WDFY3: variants seen among roughly 807,000 people sequenced by gnomAD.
The protein encoded by WDFY3 is WD repeat and FYVE domain containing 3.
A neutral mutation model predicts 409.6 loss-of-function variants in WDFY3; 66 were observed. The observed-to-expected ratio is 0.16, with a 90% CI of 0.13 to 0.20. The LOEUF (loss-of-function observed/expected upper bound fraction) is 0.20, where lower values mean the gene tolerates loss of function less well. Ranked by LOEUF, WDFY3 falls within the 10% of genes least tolerant of loss-of-function variation. WDFY3 has a pLI of 1.00. For synonymous variants in WDFY3, 1,521 were observed against 1,537.1 expected (o/e 0.99, Z 0.25); for missense variants, 3,031 against 4,298.1 (o/e 0.71, Z 8.24).
chr4:84,850,430 C>CCT (rs1284898530), intron 4 of WDFY3, among the ~76,000 whole-genome samples: 1 of 152,040 alleles, frequency 6.6e-6, no homozygotes, highest in African/African-American at 2.4e-5. Context: ...TATTCTCCTG[C>CCT]CTCAGCCTGC....
At chr4:84,735,815 C>T (rs1341742704) in intron 42 of WDFY3, among the ~76,000 whole-genome samples, 1 of 152,110 alleles carries the variant, frequency 6.6e-6, no homozygotes. Context: ...GTATACACAA[C>T]AAGATTGTAA....
At chr4:84,754,541 A>G (rs1578374850) in intron 34 of WDFY3, among the ~76,000 whole-genome samples, 1 of 152,194 alleles carries the variant, frequency 6.6e-6, no homozygotes, top group Non-Finnish European at 1.5e-5. Flanking sequence ...GGTACATGTA[A>G]TTCAAGGAGT....
intron 10 of WDFY3, among the ~76,000 whole-genome samples, chr4:84,823,607 C>T (rs1007648480): frequency 5.3e-5 from 8 of 152,014 alleles, no homozygotes; most frequent in African/African-American, 1.9e-4. Context: ...ACAACCCTAT[C>T]AAACAATGGG....
chr4:84,706,375 T>C (rs997454941), intron 53 of WDFY3, among the ~76,000 whole-genome samples: 1 of 152,124 alleles, frequency 6.6e-6, no homozygotes, highest in Non-Finnish European at 1.5e-5. Flanking sequence ...TATTTTCTGG[T>C]TAATTCAACA....
chr4:84,677,961 C>CAAAAAAAAAAAAAAAAAAAAAAAAA (rs986393073), intron 66 of WDFY3, among the ~76,000 whole-genome samples: 1 of 21,180 alleles, frequency 4.7e-5, no homozygotes, highest in African/African-American at 1.8e-4. Context: ...GACCCTGTCT[C>CAAAAAAAAAAAAAAAAAAAAAAAAA]AAAAAAAAAA....
chr4:84,856,017 T>G (rs186425761), intron 4 of WDFY3, among the ~76,000 whole-genome samples: 78 of 152,266 alleles, frequency 5.1e-4, no homozygotes, highest in African/African-American at 1.9e-3. Context: ...CAGGGCTGAA[T>G]TCAGCAAGTC....
At chr4:84,747,471 G>A (rs1383381473) in intron 36 of WDFY3, among the ~76,000 whole-genome samples, 5 of 152,194 alleles carry the variant, frequency 3.3e-5, no homozygotes, top group Non-Finnish European at 7.4e-5. Flanking sequence ...CTCAGGGTGG[G>A]TTTCACTCTG....
chr4:84,734,114 C>A (rs1560622162), intron 43 of WDFY3, among the ~76,000 whole-genome samples: 1 of 152,078 alleles, frequency 6.6e-6, no homozygotes. Context: ...TATAAACATG[C>A]AGCACTAAGA....
At chr4:84,728,101 T>C (rs1333371301) in intron 44 of WDFY3, among the ~76,000 whole-genome samples, 1 of 152,076 alleles carries the variant, frequency 6.6e-6, no homozygotes, top group Non-Finnish European at 1.5e-5. Context: ...TTTCAATGTA[T>C]ATAAAATTTC....
chr4:84,951,611 A>G (rs1773621887), intron 1 of WDFY3, among the ~76,000 whole-genome samples: 1 of 152,234 alleles, frequency 6.6e-6, no homozygotes, highest in Non-Finnish European at 1.5e-5. Flanking sequence ...AATCACTTCT[A>G]AACTTTAACA....
rs377016613 is a variant in WDFY3 at position 84,810,388 on chromosome 4, CA to C, written c.1888-45del. ...AAAACAAATGAAAATACACATAATT[CA>C]AAAAAAAAAAAAAACCACTATGCAT... On this transcript the variant is annotated intron_variant, in intron 13 of 67. Transcript: ENST00000295888. 0.21 allele frequency: 165,012 copies of C among 778,328 alleles called. 22 individuals are homozygous for C. The highest frequency in any genetic ancestry group is 0.25 in the South Asian group (9,725 of 38,936). 48.2% of individuals were successfully genotyped at this position (778,328 alleles called of 1,614,324 possible).
At chr4:84,920,550 A>G (rs1350980574) in intron 2 of WDFY3, among the ~76,000 whole-genome samples, 2 of 152,224 alleles carry the variant, frequency 1.3e-5, no homozygotes, top group South Asian at 2.1e-4. Flanking sequence ...GAATCTGGAT[A>G]AAGGGCAACT....
At chr4:84,867,925 C>A (rs1318278639) in intron 3 of WDFY3, among the ~76,000 whole-genome samples, 1 of 152,038 alleles carries the variant, frequency 6.6e-6, no homozygotes, top group East Asian at 1.9e-4. Context: ...AATCCCAGCA[C>A]TTTGGGAGGT....
rs545269018 is a variant in WDFY3, at chr4:84,937,144, A to C, written c.-225-4781T>G. Among the ~76,000 whole-genome samples, 8 of 152,284 alleles carry C rather than the reference A, an allele frequency of 5.3e-5. No homozygotes were observed. The East Asian group carries it at 1.4e-3, about 26-fold the overall frequency. On this transcript the variant is annotated intron_variant, in intron 1 of 67. Transcript: ENST00000295888. ...CTTCCATTCAAATTTAACACACTCC[A>C]ATTAGACTTTTACTACACAACATCA...
chr4:84,947,514 A>AAT (rs1773019223), intron 1 of WDFY3, among the ~76,000 whole-genome samples: 4 of 140,540 alleles, frequency 2.8e-5, no homozygotes, highest in East Asian at 4.2e-4. Context: ...TCCGTCTCAA[A>AAT]AATAATAATA....
chr4:84,718,458 G>A lies in WDFY3; in HGVS notation c.7718C>T (p.Thr2573Ile). The A allele has an allele frequency of 2.5e-6, 4 of 1,613,496 alleles. No homozygotes were observed. The highest frequency in any genetic ancestry group is 3.4e-6 in the Non-Finnish European group (4 of 1,179,716). The change falls in exon 48 of 68, where the codon ACC becomes ATC. Residue 2573 changes from threonine to isoleucine, a missense_variant. This residue lies in a region of WDFY3 where 40 missense variants were observed against 54.2 expected (regional missense o/e 0.74). Coordinates refer to ENST00000295888, the MANE Select transcript of WDFY3 (RefSeq NM_014991.6). ...GGTTTCAATATCTCTTATTTCCCTG[G>A]TTGCTGTCATGGTAAATCCATCAAT... ...YVIDGFTMTATREIRDIETLP... is the reference protein window; with the variant it reads ...YVIDGFTMTAIREIRDIETLP...
In WDFY3 at chr4:84,763,602, T is replaced by TA. The variant is rs566039809; in HGVS notation, c.5188+2207dup. Among the ~76,000 whole-genome samples, 483 of 140,408 alleles carry TA rather than the reference T, an allele frequency of 3.4e-3. 4 individuals carry two copies. The highest frequency in any genetic ancestry group is 0.012 in the African/African-American group (444 of 37,960). 92.1% of individuals were successfully genotyped at this position (140,408 alleles called of 152,430 possible). On this transcript the variant is annotated intron_variant, in intron 32 of 67. Transcript: ENST00000295888. ...TTTTACAAAAACCAATAAATGTGAA[T>TA]AAAAAAGTAAAAAAAAAAAAGGTTG... is the stretch of plus-strand genomic sequence containing the variant.
chr4:84,818,410 TAACA>T lies in WDFY3; in HGVS notation c.1694-829_1694-826del, dbSNP rs551486210. On this transcript the variant is annotated intron_variant, in intron 12 of 67. Coordinates refer to ENST00000295888, the MANE Select transcript of WDFY3 (RefSeq NM_014991.6). ...TTGTTTATATCTCTATTATGGTTTA[TAACA>T]AACAGTCTTACTATTATTGCTTATG... Among the ~76,000 whole-genome samples the T allele has an allele frequency of 2.1e-3, 318 of 152,308 alleles. 2 individuals are homozygous for T. The highest frequency in any genetic ancestry group is 5.8e-3 in the South Asian group (28 of 4,826).
intron 4 of WDFY3, among the ~76,000 whole-genome samples, chr4:84,859,469 C>G (rs906754994): frequency 6.6e-6 from 1 of 152,116 alleles, no homozygotes; most frequent in African/African-American, 2.4e-5. Flanking sequence ...TCTTTCATGG[C>G]GGCAGCAATT....
Sources: allele counts gnomAD v4.1 joint callset (sites outside exome capture counted in the v4.1 genomes callset), GRCh38; gene constraint gnomAD v4.1.1; regional missense constraint gnomAD v4.1.1; transcripts MANE v1.5; gene names NCBI Gene and HGNC (gene_info 2026-07-23, HGNC 2026-07-21).